The following PDCD6 variants were observed in gnomAD, a reference collection of about 807,000 sequenced individuals.
PDCD6 encodes programmed cell death protein 6.
PDCD6 carries 12 observed loss-of-function variants against 28.3 expected under a neutral mutation model. The observed-to-expected ratio is 0.42, with a 90% CI of 0.27 to 0.69. PDCD6 has a LOEUF of 0.69. Among genes scored for constraint, PDCD6 ranks in the 30% least tolerant of loss-of-function variants. The probability of loss-of-function intolerance (pLI) is 0.22; values close to 1 mark genes in which losing one functional copy is unlikely to be tolerated. For synonymous variants in PDCD6, 92 were observed against 108.0 expected (o/e 0.85, Z 0.92); for missense variants, 226 against 269.9 (o/e 0.84, Z 1.14).
intron 2 of PDCD6, among the ~76,000 whole-genome samples, chr5:292,153 T>G (rs894779748): frequency 6.6e-6 from 1 of 152,206 alleles, no homozygotes; most frequent in Non-Finnish European, 1.5e-5. Flanking sequence ...CTCTTCATGT[T>G]TTCATTAGCC....
chr5:288,342 T>G (rs1739113833), intron 2 of PDCD6, among the ~76,000 whole-genome samples: 1 of 148,498 alleles, frequency 6.7e-6, no homozygotes, highest in South Asian at 2.1e-4. Flanking sequence ...TAAAGTTCCA[T>G]TGTACGTAGC....
chr5:279,800 AAAAAAACG>A lies in PDCD6; in HGVS notation c.163+7030_163+7037del, dbSNP rs1257918110. On this transcript the variant is annotated intron_variant, in intron 2 of 5. Coordinates refer to ENST00000264933, the MANE Select transcript of PDCD6 (RefSeq NM_013232.4). ...AGTAATGGCAAAAAAAAAAAAAAAA[AAAAAAACG>A]AGGAGCCGGTGCTGCAGTTCATTAA... is the stretch of plus-strand genomic sequence containing the variant. Among the ~76,000 whole-genome samples, 98 of 148,664 alleles carry A rather than the reference AAAAAAACG, an allele frequency of 6.6e-4. 1 individual carries two copies. Among genetic ancestry groups the A allele is most frequent in the African/African-American group, 2.4e-3 (93 of 38,954 alleles).
Position 305,542 on chromosome 5 carries a change from T to G in PDCD6, c.209-1060T>G, listed in dbSNP as rs1740419698. ...AGGTGTTGATACATGGGGAGCTACC[T>G]CCCCACCGGAGAGGAATGGCCTGGG... On this transcript the variant is annotated intron_variant, in intron 3 of 5. Coordinates refer to ENST00000264933, the MANE Select transcript of PDCD6 (RefSeq NM_013232.4). This position sits in a 1 kb window ranked among gnomAD's most constrained non-coding sequence, Gnocchi z 4.0. 1 of 152,042 alleles carries G rather than the reference T, an allele frequency of 6.6e-6. No individual in the cohort carries two copies. The highest frequency in any genetic ancestry group is 2.1e-4 in the South Asian group (1 of 4,830). 9.4% of individuals were successfully genotyped at this position (152,042 alleles called of 1,614,324 possible). A position where few individuals can be genotyped will look rare whatever the true frequency, so the allele number is the denominator to read the frequency against.
At chr5:301,318 C>T (rs1001831111) in intron 2 of PDCD6, among the ~76,000 whole-genome samples, 6 of 152,284 alleles carry the variant, frequency 3.9e-5, no homozygotes, top group East Asian at 1.9e-4. Flanking sequence ...ACTAGGTTGC[C>T]GCACACAGCG....
chr5:288,841 C>T, intron 2 of PDCD6: 3 of 1,448,234 alleles, frequency 2.1e-6, no homozygotes, highest in East Asian at 2.3e-5. Flanking sequence ...TAGTCTTGTT[C>T]CATTGGTTCA....
intron 2 of PDCD6, among the ~76,000 whole-genome samples, chr5:301,089 T>C (rs1740018781): frequency 6.6e-6 from 1 of 152,266 alleles, no homozygotes; most frequent in South Asian, 2.1e-4. Context: ...GAGAAGCTTC[T>C]GCTTATGATC....
At chr5:303,196 A>G (rs1188224648) in intron 2 of PDCD6, among the ~76,000 whole-genome samples, 1 of 151,920 alleles carries the variant, frequency 6.6e-6, no homozygotes, top group African/African-American at 2.4e-5. Context: ...GGACCATGCC[A>G]GCAGACCCCA....
chr5:276,215 C>T (rs1487503383), intron 2 of PDCD6: 27 of 1,119,352 alleles, frequency 2.4e-5, no homozygotes, highest in Admixed American at 8.8e-5. Flanking sequence ...GGAGACAGAG[C>T]GAAACCCCAT....
intron 2 of PDCD6, chr5:276,690 C>G (rs1030330054): frequency 1.5e-5 from 15 of 979,936 alleles, no homozygotes; most frequent in African/African-American, 1.8e-5. Context: ...TAATATATTA[C>G]TGGTAGAAAA....
intron 2 of PDCD6, among the ~76,000 whole-genome samples, chr5:288,403 A>C (rs2126715319): frequency 6.6e-6 from 1 of 151,230 alleles, no homozygotes; most frequent in Admixed American, 6.6e-5. Context: ...TCACATGTTA[A>C]AATGTTGAAA....
At chr5:306,856 A>G in intron 4 of PDCD6, 96 bp downstream of exon 4, 1 of 1,280,770 alleles carries the variant, frequency 7.8e-7, no homozygotes, top group Non-Finnish European at 1.1e-6. Flanking sequence ...CTGATTGTCT[A>G]ACCAGGCTAC....
chr5:276,547 T>G, intron 2 of PDCD6: 9 of 978,006 alleles, frequency 9.2e-6, no homozygotes, highest in Non-Finnish European at 1.1e-5. Flanking sequence ...GTGATCCTCC[T>G]GCCTCAGCCT....
intron 2 of PDCD6, among the ~76,000 whole-genome samples, chr5:294,006 G>C (rs1338326737): frequency 6.9e-6 from 1 of 144,250 alleles, no homozygotes; most frequent in Non-Finnish European, 1.5e-5. Context: ...CCGCGATACT[G>C]TCAGAGACGG....
chr5:271,750 T>G lies in PDCD6; in HGVS notation c.30T>G (p.Pro10=). 8.5e-7 allele frequency: 1 copy of G among 1,180,126 alleles called. No homozygotes were observed. The highest frequency in any genetic ancestry group is 1.4e-5 in the South Asian group (1 of 70,480). 73.1% of individuals were successfully genotyped at this position (1,180,126 alleles called of 1,614,324 possible). Residue 10 remains proline (P), a synonymous_variant, in exon 1 of 6, where the codon CCT becomes CCG. Transcript: ENST00000264933. MAAYSYRPG[P]GAGPGPAAGA... is the part of the protein sequence containing the mutation. ...CCGCCTACTCTTACCGCCCCGGCCC[T>G]GGGGCCGGCCCTGGGCCTGCTGCAG...
At chr5:303,521 C>T (rs945107680) in intron 2 of PDCD6, among the ~76,000 whole-genome samples, 13 of 151,782 alleles carry the variant, frequency 8.6e-5, no homozygotes, top group African/African-American at 2.9e-4. Flanking sequence ...TCAGATTCAA[C>T]GATGAGTCTG....
chr5:277,096 A>G (rs150835045), intron 2 of PDCD6, among the ~76,000 whole-genome samples: 1 of 152,182 alleles, frequency 6.6e-6, no homozygotes, highest in Non-Finnish European at 1.5e-5. Flanking sequence ...GTACTTTAAA[A>G]AATAATAATT....
chr5:306,195 A>G lies in PDCD6; in HGVS notation c.209-407A>G, dbSNP rs1579543206. 3 of 217,822 alleles carry G rather than the reference A, an allele frequency of 1.4e-5. No homozygotes were observed. The South Asian group carries it at 2.3e-4, about 17-fold the overall frequency. 13.5% of individuals were successfully genotyped at this position (217,822 alleles called of 1,614,324 possible). A position where few individuals can be genotyped will look rare whatever the true frequency, so the allele number is the denominator to read the frequency against. On this transcript the variant is annotated intron_variant, in intron 3 of 5. Transcript: ENST00000264933. ...TCAGAGGGTCAGCTCTGGGAATTAG[A>G]TTCGCGTTCTAGGCCGAGACCCAGG...
chr5:292,072 GGTT>G (rs1739346286), intron 2 of PDCD6, among the ~76,000 whole-genome samples: 1 of 152,130 alleles, frequency 6.6e-6, no homozygotes, highest in Non-Finnish European at 1.5e-5. Flanking sequence ...GCATGGATTG[GGTT>G]GTTGGTGGTG....
intron 2 of PDCD6, among the ~76,000 whole-genome samples, chr5:290,940 T>C (rs1417867200): frequency 6.6e-6 from 1 of 151,974 alleles, no homozygotes; most frequent in Non-Finnish European, 1.5e-5. Flanking sequence ...AACTGCCTTC[T>C]AAGTATTGAA....
Sources: gnomAD v4.1 joint callset for allele counts (sites outside exome capture counted in the v4.1 genomes callset) on GRCh38, gnomAD v4.1.1 for gene constraint, Gnocchi (gnomAD v3.1) non-coding constraint, MANE v1.5 for transcripts, NCBI Gene and HGNC (gene_info 2026-07-23, HGNC 2026-07-21) for gene names.